The following FAM161B variants were observed in gnomAD, a reference collection of about 807,000 sequenced individuals.
FAM161B encodes the protein FAM161 centrosomal protein B, also known as protein FAM161B.
Under a neutral mutation model 61.5 loss-of-function variants are expected in FAM161B, and 46 were observed. The ratio of observed to expected loss-of-function variants is 0.75; its 90% CI spans 0.59 to 0.96. The LOEUF (loss-of-function observed/expected upper bound fraction) is 0.96, where lower values mean the gene tolerates loss of function less well. Ranked by LOEUF, FAM161B falls within the 40% of genes least tolerant of loss-of-function variation. The pLI is 0.00. For synonymous variants in FAM161B, 284 were observed against 302.7 expected (o/e 0.94, Z 0.64); for missense variants, 774 against 800.7 (o/e 0.97, Z 0.40).
chr14:73,924,975 CCTT>C, the FAM161B span, among the ~76,000 whole-genome samples: 3 of 152,314 alleles, frequency 2.0e-5, no homozygotes, highest in South Asian at 2.1e-4. Context: ...CTGCACCCAG[CCTT>C]CTTCTTTTCA....
intron 4 of FAM161B, 108 bp downstream of exon 4, chr14:73,942,261 A>C: frequency 8.5e-7 from 1 of 1,179,134 alleles, no homozygotes; most frequent in Non-Finnish European, 1.2e-6. Flanking sequence ...CTGGTGTTTA[A>C]AAAAAAGATA....
At chr14:73,941,484 T>A (rs576057967) in intron 4 of FAM161B, among the ~76,000 whole-genome samples, 1 of 152,274 alleles carries the variant, frequency 6.6e-6, no homozygotes, top group African/African-American at 2.4e-5. Flanking sequence ...CTTCATTTTT[T>A]TTCCTGGGAA....
chr14:73,929,518 T>G (rs17094043), downstream of FAM161B, among the ~76,000 whole-genome samples: 2 of 152,094 alleles, frequency 1.3e-5, no homozygotes, highest in East Asian at 3.9e-4. Flanking sequence ...AAAAATAGCT[T>G]ATCAAGAATA....
At chr14:73,949,163 C>G (rs1452642025) in intron 1 of FAM161B, among the ~76,000 whole-genome samples, 1 of 149,748 alleles carries the variant, frequency 6.7e-6, no homozygotes, top group Non-Finnish European at 1.5e-5. Context: ...AGTGCAATGG[C>G]ACAATCTCGG....
chr14:73,935,727 A>G (rs971967226), intron 8 of FAM161B, among the ~76,000 whole-genome samples: 1 of 152,222 alleles, frequency 6.6e-6, no homozygotes, highest in Non-Finnish European at 1.5e-5. Flanking sequence ...CTGTTTCAAA[A>G]TGGAAGAAAA....
chr14:73,930,357 C>G (rs1017403219), downstream of FAM161B, among the ~76,000 whole-genome samples: 1 of 152,138 alleles, frequency 6.6e-6, no homozygotes, highest in African/African-American at 2.4e-5. Context: ...GATACAGTGT[C>G]TTACCATGTT....
At chr14:73,926,731 G>A (rs141213243), downstream of FAM161B, among the ~76,000 whole-genome samples, 9,941 of 107,488 alleles carry the variant, frequency 0.092, 460 homozygotes, top group South Asian at 0.17. Context: ...CACTGCGCCC[G>A]GCCAGGAATT....
chr14:73,931,197 G>T (rs551883074), downstream of FAM161B, among the ~76,000 whole-genome samples: 1 of 152,220 alleles, frequency 6.6e-6, no homozygotes, highest in South Asian at 2.1e-4. Context: ...TGTTTTCCCT[G>T]TAAGTTAGAG....
At chr14:73,926,141 G>A in the FAM161B span, among the ~76,000 whole-genome samples, 1 of 152,172 alleles carries the variant, frequency 6.6e-6, no homozygotes, top group Non-Finnish European at 1.5e-5. Flanking sequence ...TTGTAGGCAT[G>A]TCATTTCTTC....
At chr14:73,945,954 C>T (rs1435250252) in intron 2 of FAM161B, among the ~76,000 whole-genome samples, 2 of 152,070 alleles carry the variant, frequency 1.3e-5, no homozygotes, top group Non-Finnish European at 2.9e-5. Context: ...GTTGGCCAGG[C>T]TGGTCTCGAA....
At chr14:73,923,681 A>T in the FAM161B span, among the ~76,000 whole-genome samples, 1 of 152,274 alleles carries the variant, frequency 6.6e-6, no homozygotes, top group African/African-American at 2.4e-5. Flanking sequence ...AAGGAGCCTG[A>T]GGGTTAGGGT....
At chr14:73,942,850 G>T in intron 3 of FAM161B, 135 bp from the exon 4 acceptor site, 1 of 711,610 alleles carries the variant, frequency 1.4e-6, no homozygotes. Context: ...ATTCTGACAC[G>T]TTAACATCCT....
rs149564337 is a variant in FAM161B, at chr14:73,939,265, C to G, written c.1401-1153G>C. Among the ~76,000 whole-genome samples, 7 of 152,264 alleles carry G rather than the reference C, an allele frequency of 4.6e-5. 1 individual carries two copies. The highest frequency in any genetic ancestry group is 1.7e-4 in the African/African-American group (7 of 41,558). ...AGTGAGCTGAGATTGCGCCATTGCA[C>G]TCCAGCATGGGCGACAGAGCAAGAC... On this transcript the variant is annotated intron_variant, in intron 5 of 8. Coordinates refer to ENST00000286544, the MANE Select transcript of FAM161B (RefSeq NM_152445.3).
rs2055934293 is a variant in FAM161B at position 73,932,677 on chromosome 14, T to G, written c.*1579A>C. 2.8e-6 allele frequency: 1 copy of G among 359,716 alleles called. No homozygotes were observed. The highest frequency in any genetic ancestry group is 2.1e-5 in the African/African-American group (1 of 46,656). The allele number at this position is 359,716 out of a possible 1,614,324, so 22.3% of individuals were successfully genotyped here. Reference sequence around the variant, plus strand: ...TCTTGCTCTGTCACCCAGGCTGGAGTGCAGTAGTGTAATCATAGCTCAATG... The same window carrying G: ...TCTTGCTCTGTCACCCAGGCTGGAGGGCAGTAGTGTAATCATAGCTCAATG... On this transcript the variant is annotated 3_prime_UTR_variant, in exon 9 of 9. Coordinates refer to ENST00000286544, the MANE Select transcript of FAM161B (RefSeq NM_152445.3).
chr14:73,945,619 C>T (rs12878756), intron 2 of FAM161B, among the ~76,000 whole-genome samples: 22,884 of 151,556 alleles, frequency 0.15, 2,232 homozygotes, highest in East Asian at 0.34. Flanking sequence ...TTAGTAGAGA[C>T]GGGGTTTCAC....
intron 1 of FAM161B, among the ~76,000 whole-genome samples, chr14:73,949,659 A>G (rs1594781288): frequency 6.6e-6 from 1 of 151,800 alleles, no homozygotes; most frequent in Admixed American, 6.6e-5. Context: ...ACGCCCGGCC[A>G]AATTTGGGGA....
At chr14:73,936,397 T>TA (rs1459579837) in intron 7 of FAM161B, among the ~76,000 whole-genome samples, 1 of 152,132 alleles carries the variant, frequency 6.6e-6, no homozygotes, top group Non-Finnish European at 1.5e-5. Context: ...AGCAATGACT[T>TA]AGACTTTTGG....
the FAM161B span, among the ~76,000 whole-genome samples, chr14:73,925,566 T>G: frequency 6.6e-6 from 1 of 152,204 alleles, no homozygotes; most frequent in African/African-American, 2.4e-5. Flanking sequence ...TAGCTGGGAT[T>G]GCAGGCACCC....
At chr14:73,943,263 G>A (rs1177951025) in intron 3 of FAM161B, among the ~76,000 whole-genome samples, 1 of 152,156 alleles carries the variant, frequency 6.6e-6, no homozygotes, top group South Asian at 2.1e-4. Context: ...CCTGCAACCA[G>A]TTGCACAATT....
Sources: gnomAD v4.1 joint callset for allele counts (sites outside exome capture counted in the v4.1 genomes callset) on GRCh38, gnomAD v4.1.1 for gene constraint, MANE v1.5 for transcripts, NCBI Gene and HGNC (gene_info 2026-07-23, HGNC 2026-07-21) for gene names.